RGS6: variants seen among roughly 807,000 people sequenced by gnomAD.
RGS6 encodes the protein regulator of G-protein signaling 6.
In RGS6, 30 loss-of-function variants were observed where a neutral mutation model predicts 78.5. That is an observed-to-expected ratio of 0.38 (90% CI 0.29 to 0.52). The LOEUF is 0.52. Ranked by LOEUF, RGS6 falls within the 20% of genes least tolerant of loss-of-function variation. The pLI, the probability that RGS6 is intolerant of heterozygous loss-of-function variation, is 0.85. For missense variants in RGS6, 495 were observed against 609.7 expected (o/e 0.81, Z 1.98); for synonymous variants, 206 against 206.0 (o/e 1.00, Z 0.00).
intron 2 of RGS6, among the ~76,000 whole-genome samples, chr14:72,316,213 T>C (rs2070153692): frequency 6.6e-6 from 1 of 152,218 alleles, no homozygotes; most frequent in African/African-American, 2.4e-5. Context: ...TGCTTGACGA[T>C]ATTCTCTTTT....
intron 2 of RGS6, among the ~76,000 whole-genome samples, chr14:72,062,909 C>T (rs899409477): frequency 1.3e-5 from 2 of 152,156 alleles, no homozygotes; most frequent in Non-Finnish European, 2.9e-5. Flanking sequence ...TCACTGCACC[C>T]TCTGCCACCC....
the RGS6 span, among the ~76,000 whole-genome samples, chr14:72,575,605 A>G: frequency 2.0e-5 from 3 of 152,178 alleles, no homozygotes; most frequent in Non-Finnish European, 4.4e-5. Context: ...ACCTTTCTCC[A>G]CCACCTCCAT....
intron 2 of RGS6, among the ~76,000 whole-genome samples, chr14:72,233,374 T>A (rs563386745): frequency 6.6e-6 from 1 of 152,166 alleles, no homozygotes; most frequent in Non-Finnish European, 1.5e-5. Flanking sequence ...CCTTGTCAAA[T>A]ACTGCCTGGC....
In RGS6 at chr14:72,203,821, CT is replaced by C. The variant is rs142494669; in HGVS notation, c.85-148253del. Among the ~76,000 whole-genome samples the C allele has an allele frequency of 1.1e-3, 118 of 106,730 alleles. No individual in the cohort carries two copies. The South Asian group carries it at 0.016, about 15-fold the overall frequency. 70.0% of individuals were successfully genotyped at this position (106,730 alleles called of 152,430 possible). On this transcript the variant is annotated intron_variant, in intron 2 of 17. Transcript: ENST00000553525. The stretch of plus-strand genomic sequence containing the variant: ...TTGCTATTGTAACCTTTCTTTCTTT[CT>C]TTTTTTTTTTTTTTTTTTTTGAGAC...
Position 72,222,157 on chromosome 14 carries a change from C to A in RGS6, c.85-129938C>A, listed in dbSNP as rs1006246842. Among the ~76,000 whole-genome samples the A allele has an allele frequency of 3.9e-5, 6 of 152,306 alleles. No homozygotes were observed. The South Asian group carries it at 6.2e-4, about 16-fold the overall frequency. On this transcript the variant is annotated intron_variant, in intron 2 of 17. Coordinates refer to ENST00000553525, the MANE Select transcript of RGS6 (RefSeq NM_001204424.2). The stretch of plus-strand genomic sequence containing the variant: ...CATTTACATAGACGATTTTATGAAT[C>A]AGCATCTCTGTCTGAGCTTAGTTAA...
chr14:72,593,193 C>T, the RGS6 span, among the ~76,000 whole-genome samples: 2 of 152,330 alleles, frequency 1.3e-5, no homozygotes, highest in South Asian at 4.1e-4. Context: ...GCCATCTTTC[C>T]ATGCTGCCAT....
At chr14:72,360,935 CT>C (rs948884368) in intron 3 of RGS6, among the ~76,000 whole-genome samples, 213 of 152,250 alleles carry the variant, frequency 1.4e-3, no homozygotes, top group African/African-American at 5.0e-3. Context: ...CTCACGAGGT[CT>C]GATGGTTTTT....
At chr14:72,598,928 C>T in the RGS6 span, among the ~76,000 whole-genome samples, 1 of 152,176 alleles carries the variant, frequency 6.6e-6, no homozygotes, top group Non-Finnish European at 1.5e-5. Flanking sequence ...CTGGGAGACC[C>T]GGCGCAGCCA....
At chr14:72,211,581 G>A (rs1439064266) in intron 2 of RGS6, among the ~76,000 whole-genome samples, 4 of 152,148 alleles carry the variant, frequency 2.6e-5, no homozygotes, top group Non-Finnish European at 4.4e-5. Context: ...AAGCTTATTG[G>A]AAGGATTCAG....
chr14:72,412,299 G>A (rs1342020427), intron 3 of RGS6, among the ~76,000 whole-genome samples: 8 of 151,996 alleles, frequency 5.3e-5, no homozygotes, highest in Admixed American at 4.6e-4. Flanking sequence ...GTCTTGGGAG[G>A]GTGTATGTGT....
At chr14:72,233,926 C>G (rs185495341) in intron 2 of RGS6, among the ~76,000 whole-genome samples, 6 of 151,980 alleles carry the variant, frequency 3.9e-5, no homozygotes, top group African/African-American at 7.3e-5. Context: ...AGTTAGAGTT[C>G]GTACTGAGTG....
chr14:72,049,211 G>C (rs1018175019), intron 2 of RGS6, among the ~76,000 whole-genome samples: 5 of 152,138 alleles, frequency 3.3e-5, no homozygotes, highest in Non-Finnish European at 2.9e-5. Context: ...AAATAGAATT[G>C]TTTTCCCAAG....
intron 2 of RGS6, among the ~76,000 whole-genome samples, chr14:72,254,027 C>T (rs2056493554): frequency 6.6e-6 from 1 of 152,188 alleles, no homozygotes; most frequent in African/African-American, 2.4e-5. Flanking sequence ...ACAGAATTTA[C>T]TTAACGATGA....
chr14:72,420,126 G>C (rs552696505), intron 3 of RGS6, among the ~76,000 whole-genome samples: 1 of 152,208 alleles, frequency 6.6e-6, no homozygotes, highest in Non-Finnish European at 1.5e-5. Context: ...TACCAAGTTC[G>C]TGGCAGAAGT....
At chr14:72,084,737 ATT>A (rs113187205) in intron 2 of RGS6, among the ~76,000 whole-genome samples, 353 of 147,736 alleles carry the variant, frequency 2.4e-3, no homozygotes, top group African/African-American at 8.4e-3. Flanking sequence ...TCATTCATTG[ATT>A]TTTTTTTTTT....
At chr14:72,153,014 A>G (rs1397395676) in intron 2 of RGS6, among the ~76,000 whole-genome samples, 1 of 152,114 alleles carries the variant, frequency 6.6e-6, no homozygotes, top group Non-Finnish European at 1.5e-5. Context: ...GCTCCTCCCC[A>G]CTGCAAATGG....
chr14:72,530,892 C>T (rs1567063863), intron 15 of RGS6, among the ~76,000 whole-genome samples: 1 of 152,182 alleles, frequency 6.6e-6, no homozygotes, highest in Admixed American at 6.5e-5. Flanking sequence ...AGTATGGAGC[C>T]AGTAAACTTG....
the RGS6 span, among the ~76,000 whole-genome samples, chr14:72,617,231 G>A: frequency 2.0e-5 from 3 of 152,228 alleles, no homozygotes; most frequent in African/African-American, 7.2e-5. Flanking sequence ...TTGGGGTTTC[G>A]GACTTGCTTT....
At chr14:72,132,083 AT>A (rs2096332167) in intron 2 of RGS6, among the ~76,000 whole-genome samples, 1 of 152,072 alleles carries the variant, frequency 6.6e-6, no homozygotes, top group South Asian at 2.1e-4. Flanking sequence ...TGCTTCAGAT[AT>A]TGTCTTGTAA....
Sources: gnomAD v4.1 joint callset for allele counts (sites outside exome capture counted in the v4.1 genomes callset) on GRCh38, gnomAD v4.1.1 for gene constraint, MANE v1.5 for transcripts, NCBI Gene and HGNC (gene_info 2026-07-23, HGNC 2026-07-21) for gene names.